The following CPS1 variants were observed in gnomAD, a reference collection of about 807,000 sequenced individuals.
CPS1 encodes carbamoyl-phosphate synthase [ammonia], mitochondrial.
Under a neutral mutation model 174.6 loss-of-function variants are expected in CPS1, and 109 were observed. The ratio of observed to expected loss-of-function variants is 0.62; its 90% CI spans 0.53 to 0.73. The LOEUF (loss-of-function observed/expected upper bound fraction) is 0.73. CPS1 is among the 30% of genes least tolerant of loss of function. The pLI, the probability that CPS1 is intolerant of heterozygous loss-of-function variation, is 0.00. For synonymous variants in CPS1, 637 were observed against 632.0 expected, an observed-to-expected ratio of 1.01 and a Z score of -0.12; for missense variants, 1,689 against 1,821.9, an observed-to-expected ratio of 0.93 and a Z score of 1.33.
chr2:210,501,082 T>C (rs1695127286), intron 1 of CPS1, among the ~76,000 whole-genome samples: 1 of 152,180 alleles, frequency 6.6e-6, no homozygotes. Context: ...TGGCCAGAGC[T>C]GTACCTTGGG....
At chr2:210,601,621 T>C (rs1398403332) in intron 15 of CPS1, among the ~76,000 whole-genome samples, 8 of 151,964 alleles carry the variant, frequency 5.3e-5, no homozygotes, top group Non-Finnish European at 1.2e-4. Flanking sequence ...AAAGGTGTAA[T>C]TACATTCCCA....
chr2:210,612,132 C>T lies in CPS1; in HGVS notation c.2407C>T (p.Arg803Cys), dbSNP rs201716417. The T allele has an allele frequency of 1.5e-5, 24 of 1,611,730 alleles. No homozygotes were observed. Among genetic ancestry groups the T allele is most frequent in the Middle Eastern group, 1.6e-4 (1 of 6,066 alleles). The change falls in exon 20 of 38, where the codon CGT becomes TGT. Residue 803 changes from arginine (R) to cysteine (C), a missense_variant. Coordinates refer to ENST00000233072, the MANE Select transcript of CPS1 (RefSeq NM_001875.5). Reference protein sequence around the residue: ...KSVGEVMAIGRTFEESFQKAL... With the variant: ...KSVGEVMAIGCTFEESFQKAL... ...TGTATTACAGGTCATGGCTATTGGT[C>T]GTACCTTTGAGGAGAGTTTCCAGAA...
At chr2:210,570,228 A>G (rs1424005180) in intron 1 of CPS1, among the ~76,000 whole-genome samples, 13 of 151,854 alleles carry the variant, frequency 8.6e-5, no homozygotes, top group African/African-American at 2.9e-4. Flanking sequence ...TGGAAGATCT[A>G]TAAAAACTGC....
chr2:210,651,411 G>A (rs1178435704), intron 28 of CPS1, among the ~76,000 whole-genome samples: 2 of 152,204 alleles, frequency 1.3e-5, no homozygotes, highest in South Asian at 2.1e-4. Flanking sequence ...TTGAATTCAT[G>A]TTTGTGTGCA....
At chr2:210,542,828 T>C (rs1005574464) in intron 1 of CPS1, among the ~76,000 whole-genome samples, 2 of 152,166 alleles carry the variant, frequency 1.3e-5, no homozygotes, top group Non-Finnish European at 2.9e-5. Context: ...GTCTATTTTT[T>C]AACATCCTAG....
Position 210,480,404 on chromosome 2 carries a change from A to G in CPS1, c.3+2638A>G, listed in dbSNP as rs535261268. The stretch of plus-strand genomic sequence containing the variant: ...AGAAGGGGAAGACTGACTTTGGTGG[A>G]CAGTTAATGTCCTCCAATACATGAT... On this transcript the variant is annotated intron_variant, in intron 1 of 38. Transcript: ENST00000430249. Among the ~76,000 whole-genome samples the G allele has an allele frequency of 3.9e-5, 6 of 152,342 alleles. No individual in the cohort carries two copies. The East Asian group carries it at 1.2e-3, about 29-fold the overall frequency.
intron 1 of CPS1, among the ~76,000 whole-genome samples, chr2:210,572,190 A>G (rs1268504077): frequency 6.6e-6 from 1 of 151,968 alleles, no homozygotes; most frequent in Non-Finnish European, 1.5e-5. Context: ...ATCCTTGAAT[A>G]TTACAGTGTA....
chr2:210,605,351 T>A, intron 17 of CPS1, 105 bp downstream of exon 17: 1 of 1,224,042 alleles, frequency 8.2e-7, no homozygotes, highest in Non-Finnish European at 1.2e-6. Flanking sequence ...TATTTCTAGT[T>A]GACAGACTAG....
At chr2:210,564,787 G>A (rs1462564016) in intron 1 of CPS1, among the ~76,000 whole-genome samples, 1 of 152,004 alleles carries the variant, frequency 6.6e-6, no homozygotes, top group Non-Finnish European at 1.5e-5. Context: ...GAGGTCAGGA[G>A]TTTGAGACCA....
chr2:210,580,005 G>A (rs1697862901), intron 5 of CPS1, among the ~76,000 whole-genome samples: 1 of 152,114 alleles, frequency 6.6e-6, no homozygotes, highest in African/African-American at 2.4e-5. Context: ...CATTCACCTG[G>A]CAGCTTATTG....
chr2:210,514,186 G>A (rs1695609925), intron 1 of CPS1, among the ~76,000 whole-genome samples: 1 of 151,870 alleles, frequency 6.6e-6, no homozygotes, highest in South Asian at 2.1e-4. Context: ...GGTTCCATAT[G>A]AATTGTAGAA....
At chr2:210,508,193 G>A (rs1299267082) in intron 1 of CPS1, among the ~76,000 whole-genome samples, 12 of 150,826 alleles carry the variant, frequency 8.0e-5, no homozygotes, top group South Asian at 2.1e-4. Context: ...AGACCACAGT[G>A]CAATCAAACT....
In CPS1 at chr2:210,637,789, G is replaced by C. The variant is rs746060618; in HGVS notation, c.2775G>C (p.Glu925Asp). 1.2e-6 allele frequency: 2 copies of C among 1,613,950 alleles called. No homozygotes were observed. Among genetic ancestry groups the C allele is most frequent in the South Asian group, 2.2e-5 (2 of 91,078 alleles). ...KQISKCLGLTEAQTRELRLKK... is the reference protein window; with the variant it reads ...KQISKCLGLTDAQTRELRLKK... ...TTTCAAAATGCCTTGGGCTCACTGA[G>C]GCCCAGACAAGGGAGCTGAGGTTAA... The change falls in exon 22 of 38, where the codon GAG (glutamate) becomes GAC (aspartate). Residue 925 changes from glutamate (E) to aspartate (D), a missense_variant. Transcript: ENST00000233072.
At chr2:210,525,095 A>G (rs748994808) in intron 1 of CPS1, among the ~76,000 whole-genome samples, 8 of 151,602 alleles carry the variant, frequency 5.3e-5, no homozygotes, top group Non-Finnish European at 8.8e-5. Context: ...ATCATCAGTC[A>G]TTTTTCTACT....
chr2:210,677,994 A>G lies in CPS1; in HGVS notation c.*9A>G, dbSNP rs767908915. 1 of 1,593,856 alleles carries G rather than the reference A, an allele frequency of 6.3e-7. No individual in the cohort carries two copies. The highest frequency in any genetic ancestry group is 1.1e-5 in the South Asian group (1 of 90,670). On this transcript the variant is annotated 3_prime_UTR_variant, in exon 38 of 38. Coordinates refer to ENST00000233072, the MANE Select transcript of CPS1 (RefSeq NM_001875.5). ...CTGGAAAAGCAGCATAGAGATGCAG[A>G]CACCCCAGCCCCATTATTAAATCAA... is the stretch of plus-strand genomic sequence containing the variant.
At chr2:210,511,665 TCCCG>T (rs1695498602) in intron 1 of CPS1, among the ~76,000 whole-genome samples, 2 of 151,984 alleles carry the variant, frequency 1.3e-5, no homozygotes, top group African/African-American at 4.8e-5. Flanking sequence ...CACGTGATAC[TCCCG>T]GTCAAACCTA....
chr2:210,582,372 G>A (rs1697951112), intron 5 of CPS1, among the ~76,000 whole-genome samples: 1 of 152,076 alleles, frequency 6.6e-6, no homozygotes, highest in Non-Finnish European at 1.5e-5. Flanking sequence ...TTTTGACTTT[G>A]CCTTCATCAG....
intron 4 of CPS1, among the ~76,000 whole-genome samples, chr2:210,578,526 T>C (rs533242916): frequency 6.6e-6 from 1 of 152,308 alleles, no homozygotes; most frequent in East Asian, 1.9e-4. Context: ...CTGTAGCTGC[T>C]TTTTGTTCAA....
chr2:210,503,030 T>C (rs1224869451), intron 1 of CPS1, among the ~76,000 whole-genome samples: 1 of 152,212 alleles, frequency 6.6e-6, no homozygotes, highest in African/African-American at 2.4e-5. Flanking sequence ...TATGGTTCTC[T>C]TGTGCAGGCA....
Sources: gnomAD v4.1 joint callset for allele counts (sites outside exome capture counted in the v4.1 genomes callset) on GRCh38, gnomAD v4.1.1 for gene constraint, MANE v1.5 for transcripts, NCBI Gene and HGNC (gene_info 2026-07-23, HGNC 2026-07-21) for gene names.